The following PCDHA10 variants were observed in gnomAD, a reference collection of about 807,000 sequenced individuals.
The protein encoded by PCDHA10 is protocadherin alpha-10.
PCDHA10 carries 45 observed loss-of-function variants against 61.2 expected under a neutral mutation model. The observed-to-expected ratio is 0.74, with a 90% CI of 0.58 to 0.94. The LOEUF (loss-of-function observed/expected upper bound fraction) is 0.94, where lower values mean the gene tolerates loss of function less well. PCDHA10 is among the 40% of genes least tolerant of loss of function. PCDHA10 has a pLI of 0.00. For missense variants in PCDHA10, 1,278 were observed against 1,236.2 expected (o/e 1.03, Z -0.51); for synonymous variants, 602 against 548.8 (o/e 1.10, Z -1.35).
At chr5:140,879,190 C>T (rs2057894732) in intron 1 of PCDHA10, among the ~76,000 whole-genome samples, 1 of 152,052 alleles carries the variant, frequency 6.6e-6, no homozygotes. Context: ...GTAATGGAGA[C>T]TTAAATTATG....
chr5:140,935,379 C>T (rs2090338823), intron 1 of PCDHA10, among the ~76,000 whole-genome samples: 1 of 152,196 alleles, frequency 6.6e-6, no homozygotes, highest in African/African-American at 2.4e-5. Context: ...CAGAATTACT[C>T]ATTTGTTATC....
chr5:140,929,694 A>G, intron 1 of PCDHA10: 1 of 270,028 alleles, frequency 3.7e-6, no homozygotes, highest in Non-Finnish European at 7.3e-6. Flanking sequence ...AGTCTGCTTT[A>G]TATGAATATA....
At chr5:140,951,988 A>C (rs2094668820) in intron 1 of PCDHA10, among the ~76,000 whole-genome samples, 1 of 152,226 alleles carries the variant, frequency 6.6e-6, no homozygotes, top group African/African-American at 2.4e-5. Context: ...GGGAAAAACC[A>C]GCCAAAAGAA....
At chr5:140,906,257 C>A (rs1394766953) in intron 1 of PCDHA10, among the ~76,000 whole-genome samples, 2 of 152,168 alleles carry the variant, frequency 1.3e-5, no homozygotes, top group Non-Finnish European at 2.9e-5. Flanking sequence ...ATACACACCT[C>A]CTGAAATTAT....
intron 1 of PCDHA10, among the ~76,000 whole-genome samples, chr5:140,899,663 C>T (rs1583349850): frequency 1.3e-5 from 2 of 152,176 alleles, no homozygotes; most frequent in African/African-American, 4.8e-5. Flanking sequence ...TGTCTCTGCC[C>T]GGCTTTGGTA....
rs1316558090 is a variant in PCDHA10, at chr5:140,876,786, G to A, written c.2388+18350G>A. 4 of 1,614,114 alleles carry A rather than the reference G, an allele frequency of 2.5e-6. No individual in the cohort carries two copies. In the African/African-American group the frequency reaches 5.3e-5, roughly 22 times the overall value. ...GGGGCTCGCCTTCGCTGTGGGCCAC[G>A]GCTAGAGTGTCCGTGGAGGTGGCCG... is the stretch of plus-strand genomic sequence containing the variant. On this transcript the variant is annotated intron_variant, in intron 1 of 3. Transcript: ENST00000307360.
At chr5:140,988,519 T>C (rs187868159) in intron 3 of PCDHA10, among the ~76,000 whole-genome samples, 69 of 152,324 alleles carry the variant, frequency 4.5e-4, no homozygotes, top group African/African-American at 1.5e-3. Context: ...TACTTAAGTC[T>C]CTGCTGGCTC....
intron 2 of PCDHA10, among the ~76,000 whole-genome samples, chr5:140,981,563 G>A (rs2096938689): frequency 6.6e-6 from 1 of 152,110 alleles, no homozygotes; most frequent in African/African-American, 2.4e-5. Flanking sequence ...GACAGAGTGA[G>A]GCTTTGTCTC....
intron 1 of PCDHA10, among the ~76,000 whole-genome samples, chr5:140,925,206 G>A (rs576558414): frequency 1.3e-5 from 2 of 152,234 alleles, no homozygotes; most frequent in South Asian, 2.1e-4. Context: ...AATAATTATC[G>A]ATACTTTTAG....
chr5:140,970,527 ATG>A (rs1270257257), intron 1 of PCDHA10, among the ~76,000 whole-genome samples: 2 of 151,436 alleles, frequency 1.3e-5, no homozygotes, highest in African/African-American at 4.9e-5. Context: ...GTAGATGAAT[ATG>A]TGTGTGTGTT....
rs1342030965 is a variant in PCDHA10 at position 140,955,208 on chromosome 5, C to G, written c.2389-23741C>G. ...GGTGTATATGAAGTCAATCAAGTAG[C>G]ATGATGCCTCCAGCTTTGTTCTTTT... On this transcript the variant is annotated intron_variant, in intron 1 of 3. Transcript: ENST00000307360. 2.6e-5 allele frequency among the ~76,000 whole-genome samples: 4 copies of G among 152,140 alleles called. No individual in the cohort carries two copies. In the East Asian group the frequency reaches 7.7e-4, roughly 29 times the overall value.
rs1554263662 is a variant in PCDHA10 at position 141,011,810 on chromosome 5, G to A, written c.*1873G>A. The A allele has an allele frequency of 6.5e-6, 1 of 153,716 alleles. No individual in the cohort carries two copies. The highest frequency in any genetic ancestry group is 1.9e-4 in the East Asian group (1 of 5,198). 9.5% of individuals were successfully genotyped at this position (153,716 alleles called of 1,614,324 possible). ...ATGGTATCTGAAATATCAGCTCATA[G>A]AAAGTAACAAAATTTGCTGTCACCT... On this transcript the variant is annotated 3_prime_UTR_variant, in exon 4 of 4. Coordinates refer to ENST00000307360, the MANE Select transcript of PCDHA10 (RefSeq NM_018901.4).
intron 1 of PCDHA10, chr5:140,968,774 C>T (rs2096269643): frequency 6.2e-7 from 1 of 1,614,088 alleles, no homozygotes. Flanking sequence ...AGAGCCATCA[C>T]TATCAGCCTC....
chr5:140,879,720 G>C (rs1275273892), intron 1 of PCDHA10, among the ~76,000 whole-genome samples: 1 of 152,212 alleles, frequency 6.6e-6, no homozygotes, highest in Non-Finnish European at 1.5e-5. Flanking sequence ...TTGGAGACCA[G>C]AAGTCCAAAA....
chr5:140,968,511 C>T, intron 1 of PCDHA10: 2 of 1,614,198 alleles, frequency 1.2e-6, no homozygotes, highest in Non-Finnish European at 1.7e-6. Context: ...ATTCTGTACC[C>T]TACCTCAACC....
intron 1 of PCDHA10, among the ~76,000 whole-genome samples, chr5:140,899,594 G>A (rs1583347259): frequency 1.3e-5 from 2 of 152,238 alleles, no homozygotes; most frequent in Non-Finnish European, 2.9e-5. Flanking sequence ...GTATTTTATT[G>A]AGGACTTTTG....
intron 1 of PCDHA10, among the ~76,000 whole-genome samples, chr5:140,969,939 G>A (rs188120855): frequency 4.6e-5 from 7 of 152,340 alleles, no homozygotes; most frequent in Admixed American, 2.6e-4. Context: ...ACATCATACT[G>A]AAGCTAAAGT....
chr5:140,929,180 G>A, intron 1 of PCDHA10: 1 of 1,614,150 alleles, frequency 6.2e-7, no homozygotes, highest in Non-Finnish European at 8.5e-7. Context: ...CTGGGACTTG[G>A]TTCTGATAAT....
At chr5:140,987,681 G>A (rs1554249426) in intron 3 of PCDHA10, among the ~76,000 whole-genome samples, 2 of 152,184 alleles carry the variant, frequency 1.3e-5, no homozygotes, top group Non-Finnish European at 2.9e-5. Context: ...TTAGTAAATA[G>A]TAGCTATTTT....
Sources: allele counts gnomAD v4.1 joint callset (sites outside exome capture counted in the v4.1 genomes callset), GRCh38; gene constraint gnomAD v4.1.1; transcripts MANE v1.5; gene names NCBI Gene and HGNC (gene_info 2026-07-23, HGNC 2026-07-21).